ARL10: variants seen among roughly 807,000 people sequenced by gnomAD.
ARL10 encodes ARF like GTPase 10.
A neutral mutation model predicts 26.1 loss-of-function variants in ARL10; 23 were observed. The observed-to-expected ratio is 0.88, with a 90% CI of 0.63 to 1.25. The LOEUF is 1.25. Among genes scored for constraint, ARL10 ranks in the 50% most tolerant of loss-of-function variants. The pLI is 0.00. For missense variants in ARL10, 300 were observed against 323.6 expected (o/e 0.93, Z 0.56); for synonymous variants, 138 against 149.1 (o/e 0.93, Z 0.54).
chr5:176,401,363 A>C (rs1032797495), intron 1 of ARL10, among the ~76,000 whole-genome samples: 1 of 152,260 alleles, frequency 6.6e-6, no homozygotes, highest in Non-Finnish European at 1.5e-5. Context: ...TAAAAATACA[A>C]TGAAGGCATC....
At chr5:176,386,947 T>C (rs767852016) in intron 1 of ARL10, 2 of 1,577,410 alleles carry the variant, frequency 1.3e-6, no homozygotes, top group Admixed American at 3.3e-5. Flanking sequence ...GAAGGATCTT[T>C]GATGAGGGAA....
At chr5:176,385,644 G>A (rs1755781311), downstream of ARL10, among the ~76,000 whole-genome samples, 1 of 152,212 alleles carries the variant, frequency 6.6e-6, no homozygotes, top group Admixed American at 6.5e-5. Context: ...GCAGGTCTCA[G>A]GACAGAGATG....
intron 2 of ARL10, 98 bp downstream of exon 2, chr5:176,366,679 C>A: frequency 1.5e-6 from 2 of 1,360,332 alleles, no homozygotes; most frequent in Non-Finnish European, 2.0e-6. Context: ...GTCTAAGCAG[C>A]ACATTCCCCT....
In ARL10 at chr5:176,379,225, G is replaced by A. The variant is rs537545377; in HGVS notation, c.*7330G>A. 1 of 152,314 alleles carries A rather than the reference G, an allele frequency of 6.6e-6. No individual in the cohort carries two copies. The highest frequency in any genetic ancestry group is 2.1e-4 in the South Asian group (1 of 4,828). 9.4% of individuals were successfully genotyped at this position (152,314 alleles called of 1,614,324 possible). Reference sequence around the variant, plus strand: ...CTCTTCTTGCCCAAGCTGGAGTGCAGTGGTGTAATCTCAGCTCGCTGCAAT... The same window carrying A: ...CTCTTCTTGCCCAAGCTGGAGTGCAATGGTGTAATCTCAGCTCGCTGCAAT... On this transcript the variant is annotated 3_prime_UTR_variant, in exon 4 of 4. Transcript: ENST00000310389.
At chr5:176,401,775 C>T in exon 2 of ARL10, 1 of 456,214 alleles carries the variant, frequency 2.2e-6, no homozygotes, top group Middle Eastern at 3.3e-4. Context: ...TGAACAATTT[C>T]CCGAGGGTGC....
chr5:176,388,443 G>T lies in ARL10; in HGVS notation c.185G>T (p.Arg62Leu), dbSNP rs760690134. ...CCCCAGCCCCCTCACCATTCGATCC[G>T]CGGCGCTGCCTTCCGTCGAGCATTC... Residue 62 changes from arginine (R) to leucine (L), a missense_variant, in exon 2 of 2, where the codon CGC (arginine) becomes CTC (leucine). Coordinates refer to the ARL10 transcript ENST00000503175. The T allele has an allele frequency of 8.1e-6, 13 of 1,614,020 alleles. No homozygotes were observed. In the South Asian group the frequency reaches 1.3e-4, roughly 16 times the overall value.
chr5:176,370,549 T>G (rs892146868), intron 3 of ARL10, among the ~76,000 whole-genome samples: 7 of 152,182 alleles, frequency 4.6e-5, no homozygotes, highest in African/African-American at 1.7e-4. Context: ...ATAAATAGGG[T>G]GACTGTATGT....
At chr5:176,406,435 C>T, downstream of ARL10, 1 of 1,167,016 alleles carries the variant, frequency 8.6e-7, no homozygotes, top group Non-Finnish European at 1.1e-6. Context: ...CCAGGGATGG[C>T]CAAGAGGATG....
chr5:176,385,189 C>G (rs1319138760), downstream of ARL10: 2 of 1,334,746 alleles, frequency 1.5e-6, no homozygotes, highest in East Asian at 4.6e-5. Flanking sequence ...AGGGCGCCTT[C>G]CCAGCCAGCC....
In ARL10 at chr5:176,397,844, G is replaced by A. The variant is rs1561792820; in HGVS notation, c.134-3897G>A. 8 of 1,469,580 alleles carry A rather than the reference G, an allele frequency of 5.4e-6. No homozygotes were observed. In the Admixed American group the frequency reaches 1.3e-4, roughly 25 times the overall value. The allele number at this position is 1,469,580 out of a possible 1,614,324, so 91.0% of individuals were successfully genotyped here. On this transcript the variant is annotated intron_variant, in intron 1 of 1. Transcript: ENST00000514533. ...CCGGCCCAGTCCCACATTAAGGCAT[G>A]CAGCATCCCATGCACTCCGAGGACT...
At chr5:176,409,572 A>G in the ARL10 span, among the ~76,000 whole-genome samples, 1 of 151,702 alleles carries the variant, frequency 6.6e-6, no homozygotes, top group Non-Finnish European at 1.5e-5. Flanking sequence ...TGCCACAATG[A>G]CTGGCTAATT....
Position 176,375,292 on chromosome 5 carries a change from C to G in ARL10, c.*3397C>G, listed in dbSNP as rs1768666125. ...TCCACCCATCCATCCATCCACCCATCCATCCATCCATCCATCCATCCATCC... is the reference window on the plus strand; with the variant it reads ...TCCACCCATCCATCCATCCACCCATGCATCCATCCATCCATCCATCCATCC... On this transcript the variant is annotated 3_prime_UTR_variant, in exon 4 of 4. Transcript: ENST00000310389. 2.0e-5 allele frequency: 1 copy of G among 48,978 alleles called. No homozygotes were observed. The highest frequency in any genetic ancestry group is 2.0e-4 in the Admixed American group (1 of 4,916). The allele number at this position is 48,978 out of a possible 1,614,324, so 3.0% of individuals were successfully genotyped here. A position where few individuals can be genotyped will look rare whatever the true frequency, so the allele number is the denominator to read the frequency against.
chr5:176,367,824 T>G, intron 2 of ARL10: 2 of 499,400 alleles, frequency 4.0e-6, no homozygotes, highest in South Asian at 2.9e-5. Flanking sequence ...ACTTTCCCTT[T>G]TTTCTGTTTT....
At chr5:176,370,457 G>T (rs1176911750) in intron 3 of ARL10, among the ~76,000 whole-genome samples, 1 of 152,186 alleles carries the variant, frequency 6.6e-6, no homozygotes, top group Admixed American at 6.5e-5. Context: ...TGTGGGACCT[G>T]TTTCCAACTT....
chr5:176,392,904 G>A, downstream of ARL10: 3 of 1,614,186 alleles, frequency 1.9e-6, no homozygotes, highest in Non-Finnish European at 1.7e-6. This position sits in a 1 kb window ranked among gnomAD's most constrained non-coding sequence, Gnocchi z 5.2. Context: ...TGTGCCTGGG[G>A]TCTCCTCCTT....
At position 176,375,187 on chromosome 5, in the gene ARL10, CCCATCCAT is replaced by C. The variant is rs568970450; in HGVS notation, c.*3304_*3311del. 5.0e-4 allele frequency: 23 copies of C among 45,894 alleles called. No individual in the cohort carries two copies. Among genetic ancestry groups the C allele is most frequent in the Admixed American group, 8.5e-4 (3 of 3,522 alleles). 2.8% of individuals were successfully genotyped at this position (45,894 alleles called of 1,614,324 possible). A position where few individuals can be genotyped will look rare whatever the true frequency, so the allele number is the denominator to read the frequency against. On this transcript the variant is annotated 3_prime_UTR_variant, in exon 4 of 4. Transcript: ENST00000310389. ...ATCCACCCACCCACCCACCCATCCA[CCCATCCAT>C]CCATCCATCCACTCATCCACCCATC...
chr5:176,369,143 T>G (rs1768442917), intron 3 of ARL10, 161 bp downstream of exon 3: 1 of 1,534,940 alleles, frequency 6.5e-7, no homozygotes, highest in African/African-American at 1.4e-5. Context: ...GCCTCTGTCT[T>G]CCTTCCTCTT....
At chr5:176,395,657 T>C (rs753255667) in intron 1 of ARL10, among the ~76,000 whole-genome samples, 3 of 152,076 alleles carry the variant, frequency 2.0e-5, no homozygotes, top group Non-Finnish European at 4.4e-5. Context: ...TGGTCTTGAT[T>C]ACTCATCACA....
chr5:176,378,044 G>C lies in ARL10; in HGVS notation c.*6149G>C, dbSNP rs886485118. ...CCCAAAGTGCTGGGGTTATAGGGAA[G>C]AGCCACCGTGCCTGGCCAAGTGCAA... On this transcript the variant is annotated 3_prime_UTR_variant, in exon 4 of 4. Transcript: ENST00000310389. 3.3e-5 allele frequency: 5 copies of C among 152,316 alleles called. No homozygotes were observed. The highest frequency in any genetic ancestry group is 7.3e-5 in the Non-Finnish European group (5 of 68,096). 9.4% of individuals were successfully genotyped at this position (152,316 alleles called of 1,614,324 possible).
Sources: gnomAD v4.1 joint callset for allele counts (sites outside exome capture counted in the v4.1 genomes callset) on GRCh38, gnomAD v4.1.1 for gene constraint, Gnocchi (gnomAD v3.1) non-coding constraint, MANE v1.5 for transcripts, NCBI Gene and HGNC (gene_info 2026-07-23, HGNC 2026-07-21) for gene names.